The following PCDH17 variants were observed in gnomAD, a reference collection of about 807,000 sequenced individuals.
PCDH17 encodes protocadherin-17.
Under a neutral mutation model 67.7 loss-of-function variants are expected in PCDH17, and 21 were observed. The ratio of observed to expected loss-of-function variants is 0.31; its 90% CI spans 0.22 to 0.45. The LOEUF (loss-of-function observed/expected upper bound fraction) is 0.45. PCDH17 is among the 20% of genes least tolerant of loss of function. The pLI is 1.00. For missense variants in PCDH17, 1,471 were observed against 1,564.8 expected, an observed-to-expected ratio of 0.94 and a Z score of 1.01; for synonymous variants, 701 against 656.7, an observed-to-expected ratio of 1.07 and a Z score of -1.03.
At chr13:57,677,106 A>T (rs558991379) in intron 3 of PCDH17, among the ~76,000 whole-genome samples, 1 of 151,938 alleles carries the variant, frequency 6.6e-6, no homozygotes, top group South Asian at 2.1e-4. Flanking sequence ...CTGGCATGTG[A>T]CAGATACCGT....
rs1955010650 is a variant in PCDH17 at position 57,649,586 on chromosome 13, T to C, written c.2565+14475T>C. The stretch of plus-strand genomic sequence containing the variant: ...TGGCAAAGCTTACTGTCATTTGACA[T>C]AAAATTATTTTAAATGCACTCATCT... On this transcript the variant is annotated intron_variant, in intron 1 of 3. Transcript: ENST00000377918. 2.0e-5 allele frequency among the ~76,000 whole-genome samples: 3 copies of C among 152,194 alleles called. No individual in the cohort carries two copies. In the South Asian group the frequency reaches 6.2e-4, roughly 31 times the overall value.
At chr13:57,644,084 G>GA (rs1196908479) in intron 1 of PCDH17, among the ~76,000 whole-genome samples, 6 of 151,640 alleles carry the variant, frequency 4.0e-5, no homozygotes, top group Admixed American at 6.6e-5. Flanking sequence ...TGCATACCTT[G>GA]AAAAAATATT....
chr13:57,695,195 T>C (rs962681496), intron 3 of PCDH17, among the ~76,000 whole-genome samples: 1 of 151,234 alleles, frequency 6.6e-6, no homozygotes, highest in African/African-American at 2.4e-5. Context: ...TGAGTTACCA[T>C]CTATTTATTG....
chr13:57,661,587 T>A (rs7336183), intron 1 of PCDH17, among the ~76,000 whole-genome samples: 37,072 of 151,964 alleles, frequency 0.24, 6,239 homozygotes, highest in African/African-American at 0.49. Context: ...GTTTTACGAT[T>A]TACATTTAGG....
chr13:57,636,426 C>A (rs1954823769), intron 1 of PCDH17, among the ~76,000 whole-genome samples: 2 of 152,116 alleles, frequency 1.3e-5, no homozygotes, highest in Admixed American at 6.5e-5. Context: ...ATTTCATAAT[C>A]TTATTCTTTC....
At position 57,633,516 on chromosome 13, in the gene PCDH17, C is replaced by T; in HGVS notation, c.970C>T (p.Arg324Ter). Reference protein sequence around the residue: ...NGMLEIDVQARDLGPNPIPAH... With the variant: ...NGMLEIDVQA ...GATGCTGGAGATTGACGTGCAGGCC[C>T]GAGACCTGGGGCCTAACCCTATCCC... is the stretch of plus-strand genomic sequence containing the variant. The change falls in exon 1 of 4, where the codon CGA becomes TGA. Residue 324 changes from arginine (R) to a stop codon, truncating the protein, a stop_gained. Transcript: ENST00000377918. LOFTEE classifies it high-confidence loss of function. The surrounding 1 kb of genome is among the most constrained non-coding windows in gnomAD (Gnocchi z 6.2). 1 of 1,613,902 alleles carries T rather than the reference C, an allele frequency of 6.2e-7. No homozygotes were observed. The highest frequency in any genetic ancestry group is 8.5e-7 in the Non-Finnish European group (1 of 1,180,026).
chr13:57,698,915 G>T (rs931833686), intron 3 of PCDH17, among the ~76,000 whole-genome samples: 2 of 151,676 alleles, frequency 1.3e-5, no homozygotes, highest in Non-Finnish European at 2.9e-5. Context: ...GTCAAAAATC[G>T]AAAGGAAAAG....
chr13:57,681,378 C>G (rs976539654), intron 3 of PCDH17, among the ~76,000 whole-genome samples: 1 of 151,814 alleles, frequency 6.6e-6, no homozygotes, highest in South Asian at 2.1e-4. Context: ...TACTTCAGCA[C>G]CACCTATAGT....
chr13:57,638,776 C>G lies in PCDH17; in HGVS notation c.2565+3665C>G, dbSNP rs137984715. Among the ~76,000 whole-genome samples, 438 of 151,976 alleles carry G rather than the reference C, an allele frequency of 2.9e-3. 4 individuals are homozygous for G. The highest frequency in any genetic ancestry group is 0.014 in the Middle Eastern group (4 of 292). On this transcript the variant is annotated intron_variant, in intron 1 of 3. Coordinates refer to ENST00000377918, the MANE Select transcript of PCDH17 (RefSeq NM_001040429.3). ...CGTATCATAGTGTAAACAATAAACT[C>G]AATATTGCAGAGTAAAAAGGTGAAA...
At chr13:57,644,485 A>G (rs191535355) in intron 1 of PCDH17, among the ~76,000 whole-genome samples, 169 of 151,662 alleles carry the variant, frequency 1.1e-3, no homozygotes, top group African/African-American at 3.9e-3. Flanking sequence ...CCAGTTCCCC[A>G]TCTCAAAACT....
At chr13:57,724,503 T>G (rs2138106352) in intron 3 of PCDH17, 109 bp from the exon 4 acceptor site, 3 of 788,982 alleles carry the variant, frequency 3.8e-6, no homozygotes, top group Non-Finnish European at 6.1e-6. Flanking sequence ...TCCTTTTTAA[T>G]TAAGAGACCA....
rs552954078 is a variant in PCDH17 at position 57,693,194 on chromosome 13, A to G, written c.2797+26361A>G. Among the ~76,000 whole-genome samples the G allele has an allele frequency of 6.6e-5, 7 of 106,468 alleles. No homozygotes were observed. The South Asian group carries it at 2.6e-3, about 39-fold the overall frequency. The allele number at this position is 106,468 out of a possible 152,430, so 69.8% of individuals were successfully genotyped here. A position where few individuals can be genotyped will look rare whatever the true frequency, so the allele number is the denominator to read the frequency against. ...GCTCATTGAAATAGTAAAGGTGAAC[A>G]CCTGAATGCAGACCAACATCTTTTT... On this transcript the variant is annotated intron_variant, in intron 3 of 3. Transcript: ENST00000377918.
intron 3 of PCDH17, among the ~76,000 whole-genome samples, chr13:57,700,904 T>C (rs1171425405): frequency 6.6e-6 from 1 of 151,992 alleles, no homozygotes; most frequent in East Asian, 1.9e-4. Flanking sequence ...TGATGTGTGC[T>C]TGTACTCCCA....
intron 3 of PCDH17, among the ~76,000 whole-genome samples, chr13:57,674,519 G>T (rs1368106288): frequency 6.6e-6 from 1 of 151,756 alleles, no homozygotes; most frequent in Non-Finnish European, 1.5e-5. Context: ...TAGGTATGGG[G>T]TCTTGTTTCA....
chr13:57,683,482 A>C (rs945161461), intron 3 of PCDH17, among the ~76,000 whole-genome samples: 1 of 151,874 alleles, frequency 6.6e-6, no homozygotes, highest in African/African-American at 2.4e-5. Flanking sequence ...TCAGAATATA[A>C]TGTAATCTTG....
Position 57,724,689 on chromosome 13 carries a change from C to T in PCDH17, c.2875C>T (p.Pro959Ser). 6.2e-7 allele frequency: 1 copy of T among 1,613,934 alleles called. No individual in the cohort carries two copies. The highest frequency in any genetic ancestry group is 8.5e-7 in the Non-Finnish European group (1 of 1,179,868). The change falls in exon 4 of 4, where the codon CCT (proline) becomes TCT (serine). Residue 959 changes from proline (P) to serine (S), a missense_variant. By Grantham distance (74) the Pro-to-Ser change is moderately conservative. Coordinates refer to ENST00000377918, the MANE Select transcript of PCDH17 (RefSeq NM_001040429.3). The stretch of plus-strand genomic sequence containing the variant: ...TGACAGGTGCTGGATGCCACAGTTC[C>T]CTGCAGCCAATCAGGCTGAAAATGC... ...HSDRCWMPQF[P>S]AANQAENADY...
Position 57,717,415 on chromosome 13 carries a change from T to C in PCDH17, c.2798-7197T>C, listed in dbSNP as rs143664510. 9.9e-5 allele frequency among the ~76,000 whole-genome samples: 15 copies of C among 152,156 alleles called. No homozygotes were observed. The East Asian group carries it at 2.9e-3, about 29-fold the overall frequency. Reference sequence around the variant, plus strand: ...AAGTTCTGTTCACCTTAGAGCGTTATCTATGTGTGGTCAATATATACGCCA... The same window carrying C: ...AAGTTCTGTTCACCTTAGAGCGTTACCTATGTGTGGTCAATATATACGCCA... On this transcript the variant is annotated intron_variant, in intron 3 of 3. Coordinates refer to ENST00000377918, the MANE Select transcript of PCDH17 (RefSeq NM_001040429.3).
intron 3 of PCDH17, among the ~76,000 whole-genome samples, chr13:57,672,976 T>C (rs1955341806): frequency 6.6e-6 from 1 of 152,016 alleles, no homozygotes. Context: ...TACAAAGTTT[T>C]CCAGAGCTTA....
intron 3 of PCDH17, among the ~76,000 whole-genome samples, chr13:57,705,753 C>T (rs539091666): frequency 4.6e-5 from 7 of 152,206 alleles, no homozygotes; most frequent in South Asian, 4.1e-4. Context: ...CAGTGGCTCA[C>T]CCCTGTAATC....
Sources: allele counts gnomAD v4.1 joint callset (sites outside exome capture counted in the v4.1 genomes callset), GRCh38; gene constraint gnomAD v4.1.1; non-coding constraint Gnocchi (gnomAD v3.1); transcripts MANE v1.5; gene names NCBI Gene and HGNC (gene_info 2026-07-23, HGNC 2026-07-21).